NFIB: variants seen among roughly 807,000 people sequenced by gnomAD.
NFIB encodes nuclear factor I B, also known as nuclear factor 1 B-type.
In NFIB, 11 loss-of-function variants were observed where a neutral mutation model predicts 61.5. That is an observed-to-expected ratio of 0.18 (90% confidence interval 0.11 to 0.30). The LOEUF is 0.30. Among genes scored for constraint, NFIB ranks in the 10% least tolerant of loss-of-function variants. NFIB has a pLI of 1.00. For synonymous variants in NFIB, 260 were observed against 216.5 expected (o/e 1.20, Z -1.76); for missense variants, 471 against 608.9 (o/e 0.77, Z 2.38).
At chr9:14,430,875 T>C in the NFIB span, among the ~76,000 whole-genome samples, 19 of 152,238 alleles carry the variant, frequency 1.2e-4, no homozygotes, top group Admixed American at 1.3e-4. Context: ...AGCCACCACG[T>C]CCGGCCCTGA....
intron 5 of NFIB, among the ~76,000 whole-genome samples, chr9:14,149,941 A>T (rs1437192095): frequency 6.6e-6 from 1 of 152,172 alleles, no homozygotes; most frequent in African/African-American, 2.4e-5. Context: ...CCTGAAAAAG[A>T]TTTTTAAAAC....
upstream of NFIB, among the ~76,000 whole-genome samples, chr9:14,316,380 T>C (rs1004463324): frequency 6.6e-6 from 1 of 151,918 alleles, no homozygotes; most frequent in African/African-American, 2.4e-5. Flanking sequence ...GGACGGGGGC[T>C]GCTGGGACTA....
At chr9:14,289,122 G>GTATATATATATATATATACA (rs2058916390) in intron 2 of NFIB, among the ~76,000 whole-genome samples, 2 of 139,912 alleles carry the variant, frequency 1.4e-5, no homozygotes, top group African/African-American at 2.6e-5. Context: ...GTGTGTATAT[G>GTATATATATATATATATACA]TATATATATA....
At chr9:14,517,443 T>C in the NFIB span, among the ~76,000 whole-genome samples, 2 of 152,244 alleles carry the variant, frequency 1.3e-5, no homozygotes, top group African/African-American at 4.8e-5. Context: ...AAGGATTATG[T>C]AGGTAACACA....
chr9:14,206,378 AG>A (rs2049718797), intron 2 of NFIB, among the ~76,000 whole-genome samples: 1 of 151,968 alleles, frequency 6.6e-6, no homozygotes, highest in African/African-American at 2.4e-5. Context: ...CATGCTGCCC[AG>A]GCTGGTCTCA....
intron 1 of NFIB, among the ~76,000 whole-genome samples, chr9:14,337,763 G>C (rs2060901803): frequency 6.6e-6 from 1 of 152,310 alleles, no homozygotes; most frequent in South Asian, 2.1e-4. Flanking sequence ...TTCCCAAGAA[G>C]AGTCTTGGCT....
intron 10 of NFIB, among the ~76,000 whole-genome samples, chr9:14,099,991 T>A (rs1246076902): frequency 6.6e-6 from 1 of 152,000 alleles, no homozygotes; most frequent in African/African-American, 2.4e-5. Context: ...AAGAATCACT[T>A]GAACCTGGGA....
chr9:14,339,366 C>T (rs1387783512), intron 1 of NFIB, among the ~76,000 whole-genome samples: 3 of 152,160 alleles, frequency 2.0e-5, no homozygotes, highest in African/African-American at 4.8e-5. Context: ...GTTTGCTAAA[C>T]GCACACCCAG....
intron 2 of NFIB, among the ~76,000 whole-genome samples, chr9:14,213,484 C>G (rs1475635449): frequency 1.3e-5 from 2 of 152,208 alleles, no homozygotes; most frequent in African/African-American, 4.8e-5. Context: ...CCTCAGAGAT[C>G]TGATTTAATA....
chr9:14,396,238 T>C (rs1473562523), intron 1 of NFIB, among the ~76,000 whole-genome samples: 1 of 152,122 alleles, frequency 6.6e-6, no homozygotes, highest in Non-Finnish European at 1.5e-5. Flanking sequence ...ACAGAATCTT[T>C]GGGACAACGA....
At chr9:14,420,655 G>A in the NFIB span, among the ~76,000 whole-genome samples, 1 of 151,958 alleles carries the variant, frequency 6.6e-6, no homozygotes, top group African/African-American at 2.4e-5. Flanking sequence ...TGGTAACCCT[G>A]TAGAAAGGAA....
chr9:14,154,112 T>C (rs1480096373), intron 4 of NFIB, among the ~76,000 whole-genome samples: 2 of 152,146 alleles, frequency 1.3e-5, no homozygotes, highest in East Asian at 1.9e-4. Context: ...ATAATTTTCA[T>C]CTTTGTTTTA....
chr9:14,151,212 T>C (rs75431347), intron 4 of NFIB, among the ~76,000 whole-genome samples: 3 of 152,182 alleles, frequency 2.0e-5, no homozygotes, highest in African/African-American at 4.8e-5. Context: ...TGCTCAACCA[T>C]TGTGAGTTCC....
At chr9:14,334,284 A>G (rs1298247847) in intron 1 of NFIB, among the ~76,000 whole-genome samples, 1 of 152,214 alleles carries the variant, frequency 6.6e-6, no homozygotes, top group Non-Finnish European at 1.5e-5. Flanking sequence ...TTTCGTAGAC[A>G]ATGCCAAATG....
At chr9:14,321,393 GA>G (rs1260147943) in intron 1 of NFIB, among the ~76,000 whole-genome samples, 1 of 152,084 alleles carries the variant, frequency 6.6e-6, no homozygotes, top group Non-Finnish European at 1.5e-5. Flanking sequence ...GGGATGAGGG[GA>G]TGGGGGTTAG....
chr9:14,427,274 G>A, the NFIB span, among the ~76,000 whole-genome samples: 1 of 152,036 alleles, frequency 6.6e-6, no homozygotes, highest in Admixed American at 6.5e-5. Context: ...GGTAATAATA[G>A]TAATAATAAT....
intron 2 of NFIB, among the ~76,000 whole-genome samples, chr9:14,283,720 G>A (rs2058529491): frequency 6.6e-6 from 1 of 152,206 alleles, no homozygotes; most frequent in African/African-American, 2.4e-5. Flanking sequence ...ATGTTTAAAT[G>A]TTGTGCGTTG....
the NFIB span, among the ~76,000 whole-genome samples, chr9:14,490,594 A>G: frequency 0.016 from 2,440 of 152,278 alleles, 63 homozygotes; most frequent in African/African-American, 0.056. Context: ...AAACAGTTCC[A>G]CAACTCAATA....
the NFIB span, among the ~76,000 whole-genome samples, chr9:14,461,690 G>C: frequency 6.6e-6 from 1 of 152,162 alleles, no homozygotes; most frequent in Non-Finnish European, 1.5e-5. Flanking sequence ...TGTGAAGTGG[G>C]CTGGGTAGTT....
Sources: gnomAD v4.1 joint callset for allele counts (sites outside exome capture counted in the v4.1 genomes callset) on GRCh38, gnomAD v4.1.1 for gene constraint, MANE v1.5 for transcripts, NCBI Gene and HGNC (gene_info 2026-07-23, HGNC 2026-07-21) for gene names.